The following FBXL7 variants were observed in gnomAD, a reference collection of about 807,000 sequenced individuals.
The protein encoded by FBXL7 is F-box and leucine rich repeat protein 7, also known as F-box/LRR-repeat protein 7.
FBXL7 carries 12 observed loss-of-function variants against 38.3 expected under a neutral mutation model. The ratio of observed to expected loss-of-function variants is 0.31; its 90% CI spans 0.20 to 0.51. FBXL7 has a LOEUF of 0.51. FBXL7 is among the 20% of genes least tolerant of loss of function. FBXL7 has a pLI of 0.98. For missense variants in FBXL7, 567 were observed against 676.4 expected (o/e 0.84, Z 1.79); for synonymous variants, 297 against 300.9 (o/e 0.99, Z 0.13).
intron 2 of FBXL7, among the ~76,000 whole-genome samples, chr5:15,759,837 A>G (rs964003832): frequency 2.0e-5 from 3 of 152,192 alleles, no homozygotes; most frequent in African/African-American, 7.2e-5. Flanking sequence ...GTGTCTGGTC[A>G]TAGGATCTGA....
intron 2 of FBXL7, among the ~76,000 whole-genome samples, chr5:15,628,203 G>C (rs1047471598): frequency 6.6e-6 from 1 of 152,172 alleles, no homozygotes. Context: ...CTGGTACACT[G>C]AGGGACATTT....
At chr5:15,875,758 C>T (rs189892341) in intron 2 of FBXL7, among the ~76,000 whole-genome samples, 3,126 of 152,042 alleles carry the variant, frequency 0.021, 43 homozygotes, top group Middle Eastern at 0.031. Context: ...AACAACAGAT[C>T]CTGGAGAGGA....
In FBXL7 at chr5:15,583,743, T is replaced by A. The variant is rs150710376; in HGVS notation, c.38-32240T>A. The stretch of plus-strand genomic sequence containing the variant: ...GCATTTCCTGGCACATGATGCAAGC[T>A]GTTGGTGGATCTACCATTCTGGGCT... On this transcript the variant is annotated intron_variant, in intron 1 of 3. Transcript: ENST00000504595. Among the ~76,000 whole-genome samples, 166 of 152,278 alleles carry A rather than the reference T, an allele frequency of 1.1e-3. 1 individual carries two copies. The East Asian group carries it at 0.017, about 15-fold the overall frequency.
intron 2 of FBXL7, among the ~76,000 whole-genome samples, chr5:15,678,825 G>A (rs1240065731): frequency 6.6e-6 from 1 of 152,206 alleles, no homozygotes; most frequent in Non-Finnish European, 1.5e-5. Flanking sequence ...CCTTGGCCAT[G>A]TGGAACTGGG....
intron 1 of FBXL7, among the ~76,000 whole-genome samples, chr5:15,564,684 T>C (rs983906184): frequency 6.6e-6 from 1 of 152,140 alleles, no homozygotes; most frequent in Non-Finnish European, 1.5e-5. Flanking sequence ...CCTTTTAGTT[T>C]GAATCTGGTC....
chr5:15,927,399 ATGGCAT>A (rs1741902977), intron 2 of FBXL7, among the ~76,000 whole-genome samples: 1 of 152,112 alleles, frequency 6.6e-6, no homozygotes. Flanking sequence ...GTCCTCTGGG[ATGGCAT>A]TGGCAGGAGT....
Position 15,937,409 on chromosome 5 carries a change from A to G in FBXL7, c.*223A>G. 1.8e-6 allele frequency: 1 copy of G among 567,446 alleles called. No homozygotes were observed. The highest frequency in any genetic ancestry group is 3.1e-6 in the Non-Finnish European group (1 of 327,190). 35.2% of individuals were successfully genotyped at this position (567,446 alleles called of 1,614,324 possible). ...CAGGCATTTTGGTCAGGTCATTTGT[A>G]GGCAGTTTCTCTTCTCACAAAAGAT... On this transcript the variant is annotated 3_prime_UTR_variant, in exon 4 of 4. Transcript: ENST00000504595.
At chr5:15,538,933 T>C (rs1283767290) in intron 1 of FBXL7, among the ~76,000 whole-genome samples, 4 of 152,170 alleles carry the variant, frequency 2.6e-5, no homozygotes, top group Non-Finnish European at 5.9e-5. Context: ...TGTGAAATAA[T>C]GTAGATGGAG....
chr5:15,869,409 C>T (rs534067374), intron 2 of FBXL7, among the ~76,000 whole-genome samples: 7 of 152,222 alleles, frequency 4.6e-5, no homozygotes, highest in Non-Finnish European at 7.3e-5. Flanking sequence ...TGTTATCAGC[C>T]GTACTTCCGG....
chr5:15,926,381 G>A (rs997137219), intron 2 of FBXL7, among the ~76,000 whole-genome samples: 1 of 146,742 alleles, frequency 6.8e-6, no homozygotes, highest in African/African-American at 2.5e-5. Flanking sequence ...TAATATCAAT[G>A]TATATTATGT....
At chr5:15,593,128 G>C (rs933991044) in intron 1 of FBXL7, among the ~76,000 whole-genome samples, 2 of 152,196 alleles carry the variant, frequency 1.3e-5, no homozygotes, top group African/African-American at 4.8e-5. Context: ...GCTTTACAGG[G>C]ATCAGCTGGT....
chr5:15,881,618 G>A (rs952610216), intron 2 of FBXL7, among the ~76,000 whole-genome samples: 2 of 152,036 alleles, frequency 1.3e-5, no homozygotes, highest in African/African-American at 4.8e-5. Context: ...TTTCCATAGT[G>A]GTTATATTAG....
At chr5:15,736,831 T>G (rs1359180751) in intron 2 of FBXL7, among the ~76,000 whole-genome samples, 6 of 152,158 alleles carry the variant, frequency 3.9e-5, no homozygotes, top group African/African-American at 1.4e-4. Context: ...GGAGTTCCTG[T>G]GTATTTTAAG....
chr5:15,877,151 G>A (rs1043858677), intron 2 of FBXL7, among the ~76,000 whole-genome samples: 3 of 152,138 alleles, frequency 2.0e-5, no homozygotes, highest in Admixed American at 1.3e-4. Flanking sequence ...AAAAGCTGTC[G>A]CTGGCTTCAC....
chr5:15,796,037 G>C (rs775790918), intron 2 of FBXL7, among the ~76,000 whole-genome samples: 7 of 152,194 alleles, frequency 4.6e-5, no homozygotes, highest in Non-Finnish European at 7.3e-5. Context: ...TTGATTGCCT[G>C]CAGAGTAAAT....
At chr5:15,866,405 T>C (rs148422004) in intron 2 of FBXL7, among the ~76,000 whole-genome samples, 1 of 152,338 alleles carries the variant, frequency 6.6e-6, no homozygotes, top group Non-Finnish European at 1.5e-5. Flanking sequence ...ATTCACAGGT[T>C]GTGAATACAG....
At chr5:15,549,734 C>T (rs1159059696) in intron 1 of FBXL7, among the ~76,000 whole-genome samples, 6 of 152,146 alleles carry the variant, frequency 3.9e-5, no homozygotes, top group African/African-American at 1.4e-4. Context: ...TGACTCCAGG[C>T]CCACAAAGAC....
chr5:15,868,082 G>A lies in FBXL7; in HGVS notation c.128-59808G>A, dbSNP rs376660716. On this transcript the variant is annotated intron_variant, in intron 2 of 3. Coordinates refer to ENST00000504595, the MANE Select transcript of FBXL7 (RefSeq NM_012304.5). ...TTGCGCCACTGTACTCCAGCGTGGC[G>A]ACAGAGCAAGACTCCGTCTCAAAAA... 9.2e-4 allele frequency among the ~76,000 whole-genome samples: 130 copies of A among 141,292 alleles called. 1 individual carries two copies. The highest frequency in any genetic ancestry group is 1.4e-3 in the Non-Finnish European group (93 of 66,594). The allele number at this position is 141,292 out of a possible 152,430, so 92.7% of individuals were successfully genotyped here.
intron 2 of FBXL7, among the ~76,000 whole-genome samples, chr5:15,891,452 A>G (rs911464329): frequency 1.3e-5 from 2 of 152,216 alleles, no homozygotes; most frequent in African/African-American, 4.8e-5. Context: ...TCCACTCAAC[A>G]AACATTTATT....
Sources: allele counts gnomAD v4.1 joint callset (sites outside exome capture counted in the v4.1 genomes callset), GRCh38; gene constraint gnomAD v4.1.1; transcripts MANE v1.5; gene names NCBI Gene and HGNC (gene_info 2026-07-23, HGNC 2026-07-21).